NRCAM: variants seen among roughly 807,000 people sequenced by gnomAD.
The protein encoded by NRCAM is neuronal cell adhesion molecule.
A neutral mutation model predicts 156.5 loss-of-function variants in NRCAM; 83 were observed. The ratio of observed to expected loss-of-function variants is 0.53; its 90% CI spans 0.44 to 0.64. The LOEUF (loss-of-function observed/expected upper bound fraction) is 0.64. Among genes scored for constraint, NRCAM ranks in the 30% least tolerant of loss-of-function variants. NRCAM has a pLI of 0.00. For synonymous variants in NRCAM, 538 were observed against 563.9 expected (o/e 0.95, Z 0.65); for missense variants, 1,417 against 1,597.3 (o/e 0.89, Z 1.92).
At chr7:108,152,690 GC>G (rs1011046419) in intron 32 of NRCAM, among the ~76,000 whole-genome samples, 2 of 152,140 alleles carry the variant, frequency 1.3e-5, no homozygotes, top group African/African-American at 4.8e-5. Context: ...GTCTATGGCT[GC>G]TTTAGCACTA....
chr7:108,192,494 C>T (rs1021934987), intron 17 of NRCAM, among the ~76,000 whole-genome samples: 4 of 152,016 alleles, frequency 2.6e-5, no homozygotes, highest in African/African-American at 9.7e-5. Flanking sequence ...CCCACCCTGT[C>T]CGTGGAAAAA....
chr7:108,299,208 A>G (rs1485712431), intron 3 of NRCAM, among the ~76,000 whole-genome samples: 1 of 151,012 alleles, frequency 6.6e-6, no homozygotes, highest in Non-Finnish European at 1.5e-5. Flanking sequence ...GGAAAGGAGT[A>G]AAAAGTCACA....
chr7:108,363,962 A>T (rs961682028), intron 2 of NRCAM, among the ~76,000 whole-genome samples: 8 of 152,212 alleles, frequency 5.3e-5, no homozygotes, highest in African/African-American at 1.9e-4. Flanking sequence ...GGATCCTGGG[A>T]CAGAAGAAAA....
chr7:108,353,156 A>G (rs1202039771), intron 2 of NRCAM, among the ~76,000 whole-genome samples: 1 of 151,780 alleles, frequency 6.6e-6, no homozygotes, highest in Admixed American at 6.6e-5. Flanking sequence ...TGTCTTGAAC[A>G]TCATAACAAC....
At chr7:108,230,886 G>C (rs570102234) in intron 8 of NRCAM, 145 bp downstream of exon 8, 81 of 609,536 alleles carry the variant, frequency 1.3e-4, no homozygotes, top group African/African-American at 1.3e-3. Flanking sequence ...GAGTGAATGA[G>C]ATGACATGTT....
At position 108,214,622 on chromosome 7, in the gene NRCAM, A is replaced by G. The variant is rs1350970181; in HGVS notation, c.891-5017T>C. On this transcript the variant is annotated intron_variant, in intron 11 of 32. Coordinates refer to ENST00000379028, the MANE Select transcript of NRCAM (RefSeq NM_001037132.4). ...TCGCCTTTAGTTCTGCTCTGATCTT[A>G]GTTATTTCTTGTTTTCTGCTAGCTT... Among the ~76,000 whole-genome samples, 6 of 151,782 alleles carry G rather than the reference A, an allele frequency of 4.0e-5. 1 individual carries two copies. Among genetic ancestry groups the G allele is most frequent in the Admixed American group, 1.3e-4 (2 of 15,246 alleles).
At chr7:108,218,735 C>T (rs2090853988) in intron 11 of NRCAM, among the ~76,000 whole-genome samples, 1 of 152,108 alleles carries the variant, frequency 6.6e-6, no homozygotes, top group South Asian at 2.1e-4. Context: ...GTTCATAGCT[C>T]TAAACGCCTA....
At position 108,182,729 on chromosome 7, in the gene NRCAM, C is replaced by T; in HGVS notation, c.2496G>A (p.Glu832=). The change falls in exon 23 of 33, where the codon GAG becomes GAA. Residue 832 remains glutamate, a synonymous_variant. Transcript: ENST00000379028. ...CAGAATGTCCCATGACTACAGCTGG[C>T]TCGGGGGCAAACCCCATGTCATTCA... is the stretch of plus-strand genomic sequence containing the variant. ...QALNDMGFAP[E]PAVVMGHSGE... is the part of the protein sequence containing the mutation. 1.2e-6 allele frequency: 2 copies of T among 1,614,250 alleles called. No individual in the cohort carries two copies. The highest frequency in any genetic ancestry group is 1.7e-6 in the Non-Finnish European group (2 of 1,180,052).
At chr7:108,238,178 C>G (rs1291872919) in intron 4 of NRCAM, among the ~76,000 whole-genome samples, 3 of 152,212 alleles carry the variant, frequency 2.0e-5, no homozygotes, top group Non-Finnish European at 4.4e-5. Context: ...CCAGACATCA[C>G]TGTGCATATG....
In NRCAM at chr7:108,264,332, A is replaced by G. The variant is rs77781798; in HGVS notation, c.-106-24162T>C. Among the ~76,000 whole-genome samples, 955 of 152,338 alleles carry G rather than the reference A, an allele frequency of 6.3e-3. 9 individuals are homozygous for G. The highest frequency in any genetic ancestry group is 0.022 in the African/African-American group (906 of 41,562). On this transcript the variant is annotated intron_variant, in intron 3 of 32. Transcript: ENST00000379028. ...CCTCTTTTCATTTATCTAGGAAGAC[A>G]TATTTAATGCTGCATTATTTTATTT...
At chr7:108,302,190 T>C (rs544846839) in intron 3 of NRCAM, among the ~76,000 whole-genome samples, 9 of 152,320 alleles carry the variant, frequency 5.9e-5, no homozygotes, top group Non-Finnish European at 1.3e-4. Context: ...CCAGTGACCC[T>C]TGGGAATGCT....
Position 108,191,743 on chromosome 7 carries a change from A to G in NRCAM, c.1889T>C (p.Val630Ala), listed in dbSNP as rs1189117941. ...TTLDSVSASA[V>A]LSVVAPTPTP... The stretch of plus-strand genomic sequence containing the variant: ...TTCGTTCTTACCAACAACGCTAAGC[A>G]CAGCGCTGGCGGAGACGCTGTCCAG... The change falls in exon 18 of 33, where the codon GTG becomes GCG. Residue 630 changes from valine (V) to alanine (A), a missense_variant. Coordinates refer to ENST00000379028, the MANE Select transcript of NRCAM (RefSeq NM_001037132.4). 1.1e-5 allele frequency: 18 copies of G among 1,612,374 alleles called. No homozygotes were observed. The highest frequency in any genetic ancestry group is 1.5e-5 in the Non-Finnish European group (18 of 1,178,872).
At chr7:108,247,217 T>C (rs965314013) in intron 3 of NRCAM, among the ~76,000 whole-genome samples, 2 of 152,168 alleles carry the variant, frequency 1.3e-5, no homozygotes, top group Admixed American at 6.5e-5. Context: ...AGTCACAAAA[T>C]TTAGGAATGG....
At chr7:108,439,262 C>A (rs562663111) in intron 1 of NRCAM, among the ~76,000 whole-genome samples, 43 of 152,166 alleles carry the variant, frequency 2.8e-4, no homozygotes, top group African/African-American at 9.6e-4. Flanking sequence ...AAATGAAAAA[C>A]TTTTTCCCTC....
chr7:108,275,909 G>A (rs1281978034), intron 3 of NRCAM, among the ~76,000 whole-genome samples: 2 of 152,040 alleles, frequency 1.3e-5, no homozygotes, highest in Non-Finnish European at 2.9e-5. Flanking sequence ...CTTTAAATGT[G>A]TCCCAGAGAT....
chr7:108,168,955 C>T (rs1235114820), intron 28 of NRCAM, among the ~76,000 whole-genome samples: 1 of 152,054 alleles, frequency 6.6e-6, no homozygotes, highest in African/African-American at 2.4e-5. Flanking sequence ...CTCAGGGACC[C>T]CAGGTAAGAA....
intron 3 of NRCAM, among the ~76,000 whole-genome samples, chr7:108,270,501 A>G (rs995919013): frequency 6.6e-6 from 1 of 152,226 alleles, no homozygotes; most frequent in Admixed American, 6.5e-5. Flanking sequence ...AGGTTAACAT[A>G]GTAACAGACT....
intron 3 of NRCAM, among the ~76,000 whole-genome samples, chr7:108,294,192 GGTTTTTTTTTTTTT>G (rs1317337984): frequency 5.3e-4 from 61 of 115,804 alleles, no homozygotes; most frequent in Non-Finnish European, 7.1e-5. Flanking sequence ...TTTCTTTACT[GGTTTTTTTTTTTTT>G]TTTTTTTTTT....
intron 3 of NRCAM, among the ~76,000 whole-genome samples, chr7:108,268,636 T>TGGGGGGGGGGGGA (rs1300340254): frequency 3.5e-4 from 3 of 8,500 alleles, no homozygotes; most frequent in Non-Finnish European, 6.7e-4. Context: ...GGGGGGGGGT[T>TGGGGGGGGGGGGA]GGGGGGGGCG....
Sources: allele counts gnomAD v4.1 joint callset (sites outside exome capture counted in the v4.1 genomes callset), GRCh38; gene constraint gnomAD v4.1.1; transcripts MANE v1.5; gene names NCBI Gene and HGNC (gene_info 2026-07-23, HGNC 2026-07-21).